NDUFS3: variants seen among roughly 807,000 people sequenced by gnomAD.
NDUFS3 encodes NADH dehydrogenase [ubiquinone] iron-sulfur protein 3, mitochondrial.
In NDUFS3, 19 loss-of-function variants were observed where a neutral mutation model predicts 30.8. The ratio of observed to expected loss-of-function variants is 0.62; its 90% CI spans 0.43 to 0.91. The LOEUF (loss-of-function observed/expected upper bound fraction) is 0.91, where lower values mean the gene tolerates loss of function less well. Among genes scored for constraint, NDUFS3 ranks in the 40% least tolerant of loss-of-function variants. The probability of loss-of-function intolerance (pLI) is 0.00; values close to 1 mark genes in which losing one functional copy is unlikely to be tolerated. For synonymous variants in NDUFS3, 153 were observed against 135.8 expected, an observed-to-expected ratio of 1.13 and a Z score of -0.88; for missense variants, 331 against 342.0, an observed-to-expected ratio of 0.97 and a Z score of 0.25.
rs1033935689 is a variant in NDUFS3 at position 47,579,491 on chromosome 11, T to C, written c.133+157T>C. On this transcript the variant is annotated intron_variant, in intron 2 of 6. Coordinates refer to ENST00000263774, the MANE Select transcript of NDUFS3 (RefSeq NM_004551.3). Reference sequence around the variant, plus strand: ...CCTGCATGCAGAATCGAGCCCTCCCTGTGCCCTTAGGCCTGTTATGGCCCT... The same window carrying C: ...CCTGCATGCAGAATCGAGCCCTCCCCGTGCCCTTAGGCCTGTTATGGCCCT... The C allele has an allele frequency of 4.5e-6, 4 of 880,576 alleles. No homozygotes were observed. The African/African-American group carries it at 4.9e-5, about 11-fold the overall frequency. 54.5% of individuals were successfully genotyped at this position (880,576 alleles called of 1,614,324 possible).
intron 6 of NDUFS3, among the ~76,000 whole-genome samples, chr11:47,583,281 G>A (rs1200136745): frequency 6.6e-6 from 1 of 152,046 alleles, no homozygotes; most frequent in Non-Finnish European, 1.5e-5. Context: ...GAATTCCTGG[G>A]CTCAAGTCAT....
Position 47,584,400 on chromosome 11 carries a change from C to T in NDUFS3, c.714C>T (p.Pro238=). ...TCCGCAAATTTGACCTGAACAGCCC[C>T]TGGGAGGCTTTCCCAGTCTATCGCC... The part of the protein sequence containing the change: ...QEFRKFDLNS[P]WEAFPVYRQP... Residue 238 remains proline (P), a synonymous_variant, in exon 7 of 7, where the codon CCC becomes CCT. Coordinates refer to ENST00000263774, the MANE Select transcript of NDUFS3 (RefSeq NM_004551.3). The T allele has an allele frequency of 6.2e-7, 1 of 1,614,150 alleles. No homozygotes were observed. Among genetic ancestry groups the T allele is most frequent in the Non-Finnish European group, 8.5e-7 (1 of 1,180,030 alleles).
chr11:47,584,479 T>C lies in NDUFS3; in HGVS notation c.793T>C (p.Ter265GlnextTer16), dbSNP rs777038304. 6 of 1,614,048 alleles carry C rather than the reference T, an allele frequency of 3.7e-6. No homozygotes were observed. The highest frequency in any genetic ancestry group is 4.5e-5 in the East Asian group (2 of 44,884). Reference sequence around the variant, plus strand: ...CGGAGACAAGAAGCCTGATGCCAAGTAGCTCCAGGGAACGCATGTGGATCC... The same window carrying C: ...CGGAGACAAGAAGCCTGATGCCAAGCAGCTCCAGGGAACGCATGTGGATCC... The part of the protein sequence containing the change: ...EAGDKKPDAK[*>Q] Residue 265 changes from the stop codon to glutamine (Q), a stop_lost, in exon 7 of 7, where the codon TAG becomes CAG. Coordinates refer to ENST00000263774, the MANE Select transcript of NDUFS3 (RefSeq NM_004551.3).
rs777250139 is a variant in NDUFS3 at position 47,584,440 on chromosome 11, C to T, written c.754C>T (p.Leu252Phe). 24 of 1,614,042 alleles carry T rather than the reference C, an allele frequency of 1.5e-5. No individual in the cohort carries two copies. Among genetic ancestry groups the T allele is most frequent in the Non-Finnish European group, 1.9e-5 (23 of 1,180,038 alleles). The change falls in exon 7 of 7, where the codon CTC becomes TTC. Residue 252 changes from leucine to phenylalanine, a missense_variant. By Grantham distance (22) the Leu-to-Phe change is conservative. Coordinates refer to ENST00000263774, the MANE Select transcript of NDUFS3 (RefSeq NM_004551.3). ...AGTCTATCGCCAACCCCCGGAGAGT[C>T]TCAAGCTTGAAGCCGGAGACAAGAA... ...FPVYRQPPES[L>F]KLEAGDKKPD...
At chr11:47,583,030 T>C (rs1046900812) in intron 6 of NDUFS3, among the ~76,000 whole-genome samples, 3 of 152,022 alleles carry the variant, frequency 2.0e-5, no homozygotes, top group African/African-American at 7.2e-5. Context: ...GCCTGCTGTA[T>C]TGTAAAGGCT....
chr11:47,582,925 A>T (rs1410806619), intron 6 of NDUFS3, among the ~76,000 whole-genome samples: 1 of 152,116 alleles, frequency 6.6e-6, no homozygotes, highest in African/African-American at 2.4e-5. Context: ...TGAGCCTAGA[A>T]GGCGGAGGTT....
Position 47,580,604 on chromosome 11 carries a change from G to GT in NDUFS3, c.214dup (p.Tyr72LeufsTer12). On this transcript the variant is annotated frameshift_variant, in exon 3 of 7. Coordinates refer to ENST00000263774, the MANE Select transcript of NDUFS3 (RefSeq NM_004551.3). LOFTEE classifies it high-confidence loss of function. Reference sequence around the variant, plus strand: ...AGTATGTGGCTGAAATCTTGCCCAAGTATGTCCAACAAGTTCAGGTAATAC... The same window carrying GT: ...AGTATGTGGCTGAAATCTTGCCCAAGTTATGTCCAACAAGTTCAGGTAATAC... The GT allele has an allele frequency of 1.2e-6, 2 of 1,614,174 alleles. No homozygotes were observed. Among genetic ancestry groups the GT allele is most frequent in the Non-Finnish European group, 1.7e-6 (2 of 1,180,026 alleles).
In NDUFS3 at chr11:47,582,421, G is replaced by T; in HGVS notation, c.580G>T (p.Glu194Ter). ...LRRILTDYGF[E>*]GHPFRKDFPL... ...AAGGATCCTGACAGATTATGGCTTCGAGGGACATCCTTTCCGGAAAGACTT... is the reference window on the plus strand; with the variant it reads ...AAGGATCCTGACAGATTATGGCTTCTAGGGACATCCTTTCCGGAAAGACTT... Residue 194 changes from glutamate (E) to a stop codon, truncating the protein, a stop_gained, in exon 6 of 7, where the codon GAG becomes TAG. Coordinates refer to ENST00000263774, the MANE Select transcript of NDUFS3 (RefSeq NM_004551.3). LOFTEE classifies it high-confidence loss of function. 6.2e-7 allele frequency: 1 copy of T among 1,614,148 alleles called. No homozygotes were observed. The highest frequency in any genetic ancestry group is 8.5e-7 in the Non-Finnish European group (1 of 1,180,038).
intron 6 of NDUFS3, among the ~76,000 whole-genome samples, chr11:47,583,631 A>G (rs2097269781): frequency 6.6e-6 from 1 of 152,196 alleles, no homozygotes; most frequent in Admixed American, 6.5e-5. Context: ...CTGTTTAGAA[A>G]TGCAGAGATG....
intron 6 of NDUFS3, among the ~76,000 whole-genome samples, chr11:47,583,348 G>A (rs2097269682): frequency 6.6e-6 from 1 of 152,014 alleles, no homozygotes; most frequent in African/African-American, 2.4e-5. Context: ...CACCACACCT[G>A]GCCAGTGTTA....
chr11:47,584,180 C>G (rs2153795490), intron 6 of NDUFS3, 134 bp from the exon 7 acceptor site: 2 of 1,173,084 alleles, frequency 1.7e-6, no homozygotes, highest in South Asian at 2.5e-5. Flanking sequence ...GACTTACTGA[C>G]AGAGGCTGGG....
Position 47,582,432 on chromosome 11 carries a change from T to C in NDUFS3, c.591T>C (p.Pro197=), listed in dbSNP as rs77113494. ...ILTDYGFEGH[P]FRKDFPLSGY... The stretch of plus-strand genomic sequence containing the variant: ...CAGATTATGGCTTCGAGGGACATCC[T>C]TTCCGGAAAGACTTTCCTCTATCTG... Residue 197 remains proline, a synonymous_variant, in exon 6 of 7, where the codon CCT becomes CCC. Coordinates refer to ENST00000263774, the MANE Select transcript of NDUFS3 (RefSeq NM_004551.3). 2.7e-3 allele frequency: 4,430 copies of C among 1,614,200 alleles called. 16 individuals carry two copies. Among genetic ancestry groups the C allele is most frequent in the Non-Finnish European group, 2.8e-3 (3,343 of 1,180,012 alleles).
intron 4 of NDUFS3, 186 bp from the exon 5 acceptor site, chr11:47,581,902 A>C: frequency 1.3e-6 from 1 of 746,714 alleles, no homozygotes; most frequent in Non-Finnish European, 2.3e-6. Flanking sequence ...CAAAGTGAAT[A>C]GCATGAGCAA....
At position 47,580,583 on chromosome 11, in the gene NDUFS3, T is replaced by C. The variant is rs758962707; in HGVS notation, c.192T>C (p.Tyr64=). 8 of 1,614,232 alleles carry C rather than the reference T, an allele frequency of 5.0e-6. No individual in the cohort carries two copies. Among genetic ancestry groups the C allele is most frequent in the Admixed American group, 1.7e-5 (1 of 60,028 alleles). Residue 64 remains tyrosine (Y), a synonymous_variant, in exon 3 of 7, where the codon TAT becomes TAC. Coordinates refer to ENST00000263774, the MANE Select transcript of NDUFS3 (RefSeq NM_004551.3). ...AGCAGCTCTCAGCTTTTGGAGAGTA[T>C]GTGGCTGAAATCTTGCCCAAGTATG... ...AHKQLSAFGE[Y]VAEILPKYVQ...
intron 4 of NDUFS3, 160 bp downstream of exon 4, chr11:47,581,144 C>T (rs1270604493): frequency 6.1e-6 from 5 of 814,170 alleles, no homozygotes; most frequent in Non-Finnish European, 9.9e-6. Context: ...TCAGATAACT[C>T]AAATATTTTG....
Position 47,579,119 on chromosome 11 carries a change from T to G in NDUFS3, c.28T>G (p.Trp10Gly). The G allele has an allele frequency of 6.3e-7, 1 of 1,589,678 alleles. No homozygotes were observed. Among genetic ancestry groups the G allele is most frequent in the Non-Finnish European group, 8.5e-7 (1 of 1,169,796 alleles). The stretch of plus-strand genomic sequence containing the variant: ...GGCGGCGGCGGCGGTAGCCAGGCTG[T>G]GGTGGCGCGGGATCTTGGGGGCCTC... Reference protein sequence around the residue: MAAAAVARLWWRGILGASAL... With the variant: MAAAAVARLGWRGILGASAL... The change falls in exon 1 of 7, where the codon TGG becomes GGG. Residue 10 changes from tryptophan (W) to glycine (G), a missense_variant. By Grantham distance (184) the Trp-to-Gly change is radical (BLOSUM62 -2). Transcript: ENST00000263774.
At chr11:47,581,220 C>T (rs2097268656) in intron 4 of NDUFS3, 1 of 501,432 alleles carries the variant, frequency 2.0e-6, no homozygotes, top group Non-Finnish European at 3.6e-6. Flanking sequence ...GTGGCATGAT[C>T]TTGGCTCACT....
Position 47,580,402 on chromosome 11 carries a change from CT to C in NDUFS3, c.134-120del, listed in dbSNP as rs1018773025. 1.1e-4 allele frequency: 102 copies of C among 912,548 alleles called. No homozygotes were observed. In the African/African-American group the frequency reaches 1.5e-3, roughly 14 times the overall value. The allele number at this position is 912,548 out of a possible 1,614,324, so 56.5% of individuals were successfully genotyped here. A position where few individuals can be genotyped will look rare whatever the true frequency, so the allele number is the denominator to read the frequency against. ...TAGAAGGGAAACCTTTCACATGCACCTTTCTCAAGGTGCTTCAGGGAGCCTT... is the reference window on the plus strand; with the variant it reads ...TAGAAGGGAAACCTTTCACATGCACCTTCTCAAGGTGCTTCAGGGAGCCTT... On this transcript the variant is annotated intron_variant, in intron 2 of 6. Coordinates refer to ENST00000263774, the MANE Select transcript of NDUFS3 (RefSeq NM_004551.3).
chr11:47,579,705 C>G, intron 2 of NDUFS3: 1 of 411,346 alleles, frequency 2.4e-6, no homozygotes, highest in Non-Finnish European at 4.5e-6. Context: ...GTCCTCACAA[C>G]AGCCTTATGG....
Sources: gnomAD v4.1 joint callset for allele counts (sites outside exome capture counted in the v4.1 genomes callset) on GRCh38, gnomAD v4.1.1 for gene constraint, MANE v1.5 for transcripts, NCBI Gene and HGNC (gene_info 2026-07-23, HGNC 2026-07-21) for gene names.